Variants in ADAMTS12 observed in about 807,000 individuals in gnomAD.
ADAMTS12 encodes A disintegrin and metalloproteinase with thrombospondin motifs 12.
ADAMTS12 carries 118 observed loss-of-function variants against 167.8 expected under a neutral mutation model. That is an observed-to-expected ratio of 0.70 (90% CI 0.61 to 0.82). The LOEUF is 0.82. Ranked by LOEUF, ADAMTS12 falls within the 40% of genes least tolerant of loss-of-function variation. The pLI, the probability that ADAMTS12 is intolerant of heterozygous loss-of-function variation, is 0.00. For missense variants in ADAMTS12, 1,916 were observed against 1,998.8 expected (o/e 0.96, Z 0.79); for synonymous variants, 704 against 716.9 (o/e 0.98, Z 0.29).
At chr5:33,698,087 A>G (rs1424033592) in intron 3 of ADAMTS12, among the ~76,000 whole-genome samples, 3 of 152,254 alleles carry the variant, frequency 2.0e-5, no homozygotes, top group African/African-American at 7.2e-5. Flanking sequence ...CAACTGAGTA[A>G]GCAGGATGAA....
At position 33,588,808 on chromosome 5, in the gene ADAMTS12, A is replaced by T; in HGVS notation, c.2656T>A (p.Trp886Arg). 1 of 1,612,736 alleles carries T rather than the reference A, an allele frequency of 6.2e-7. No individual in the cohort carries two copies. The highest frequency in any genetic ancestry group is 8.5e-7 in the Non-Finnish European group (1 of 1,179,962). The change falls in exon 18 of 24, where the codon TGG (tryptophan) becomes AGG (arginine). Residue 886 changes from tryptophan to arginine, a missense_variant and splice_region_variant. Coordinates refer to ENST00000504830, the MANE Select transcript of ADAMTS12 (RefSeq NM_030955.4). ...CATGCTTCCCACTCCCCTGCCCACC[A>T]CCTGCAGGCAAACATGGATATGTGA... ...KCHEKACPPR[W>R]WAGEWEACSA...
At chr5:33,542,868 G>A (rs928429635) in intron 22 of ADAMTS12, among the ~76,000 whole-genome samples, 1 of 152,168 alleles carries the variant, frequency 6.6e-6, no homozygotes, top group African/African-American at 2.4e-5. Context: ...AAAGCAGCAT[G>A]TAGAGGGAAA....
chr5:33,782,235 T>A (rs891000084), intron 2 of ADAMTS12, among the ~76,000 whole-genome samples: 1 of 152,004 alleles, frequency 6.6e-6, no homozygotes, highest in African/African-American at 2.4e-5. Context: ...AGGGAGTAAA[T>A]GGAGCGACAT....
chr5:33,618,244 T>C (rs1169990018), intron 14 of ADAMTS12, among the ~76,000 whole-genome samples: 2 of 152,198 alleles, frequency 1.3e-5, no homozygotes, highest in East Asian at 3.8e-4. Context: ...TTCATCCTTG[T>C]TGTCTTCATG....
At chr5:33,719,970 C>T (rs1039948469) in intron 3 of ADAMTS12, among the ~76,000 whole-genome samples, 3 of 152,102 alleles carry the variant, frequency 2.0e-5, no homozygotes, top group Non-Finnish European at 4.4e-5. Flanking sequence ...GCTTTAAATA[C>T]CTAAATGTTA....
chr5:33,607,569 TA>T (rs1738509033), intron 16 of ADAMTS12, among the ~76,000 whole-genome samples: 1 of 152,192 alleles, frequency 6.6e-6, no homozygotes. Context: ...AGTTTAATAG[TA>T]ATAGCATTGA....
intron 9 of ADAMTS12, among the ~76,000 whole-genome samples, chr5:33,644,358 C>T (rs561915620): frequency 6.6e-6 from 1 of 152,296 alleles, no homozygotes; most frequent in Admixed American, 6.5e-5. Flanking sequence ...CTCCATCACA[C>T]ACCCCTAAGA....
At chr5:33,858,303 C>G (rs1749481305) in intron 2 of ADAMTS12, among the ~76,000 whole-genome samples, 1 of 152,158 alleles carries the variant, frequency 6.6e-6, no homozygotes, top group African/African-American at 2.4e-5. Flanking sequence ...CATATCAAAA[C>G]TGTAAGACAC....
At chr5:33,664,766 T>G (rs1186138988) in intron 5 of ADAMTS12, among the ~76,000 whole-genome samples, 3 of 152,090 alleles carry the variant, frequency 2.0e-5, no homozygotes, top group Non-Finnish European at 4.4e-5. Flanking sequence ...AAAAAAGAAC[T>G]ACCATATGAT....
intron 2 of ADAMTS12, 108 bp from the exon 3 acceptor site, chr5:33,751,656 C>G (rs1168340759): frequency 6.7e-6 from 7 of 1,047,918 alleles, no homozygotes; most frequent in Non-Finnish European, 9.7e-6. Context: ...CTCCTAAGAC[C>G]AGTGCTTTCA....
chr5:33,686,412 C>T (rs529409386), intron 3 of ADAMTS12, among the ~76,000 whole-genome samples: 32 of 152,184 alleles, frequency 2.1e-4, no homozygotes, highest in African/African-American at 7.2e-4. Flanking sequence ...GGGTGAGAAG[C>T]GTGTAGAAAA....
At chr5:33,597,045 T>C (rs1330505434) in intron 16 of ADAMTS12, among the ~76,000 whole-genome samples, 1 of 152,196 alleles carries the variant, frequency 6.6e-6, no homozygotes, top group Non-Finnish European at 1.5e-5. Flanking sequence ...TCTATTATGA[T>C]GTATAATAAC....
intron 14 of ADAMTS12, among the ~76,000 whole-genome samples, chr5:33,617,050 GTC>G (rs1256708836): frequency 6.6e-6 from 1 of 152,138 alleles, no homozygotes; most frequent in East Asian, 1.9e-4. Flanking sequence ...TTGCATTCTA[GTC>G]TCTGCGTTTC....
chr5:33,765,089 A>G (rs1324590105), intron 2 of ADAMTS12, among the ~76,000 whole-genome samples: 2 of 152,234 alleles, frequency 1.3e-5, no homozygotes, highest in Non-Finnish European at 2.9e-5. Flanking sequence ...TCTTTTCCCA[A>G]TGTTTTATTT....
intron 1 of ADAMTS12, among the ~76,000 whole-genome samples, chr5:33,885,490 T>A (rs1002700002): frequency 6.6e-5 from 10 of 151,416 alleles, no homozygotes. Flanking sequence ...TAAAAAATAA[T>A]AAAAAAAAAT....
intron 5 of ADAMTS12, among the ~76,000 whole-genome samples, chr5:33,674,912 C>T (rs561487925): frequency 1.2e-4 from 18 of 152,188 alleles, no homozygotes; most frequent in Non-Finnish European, 2.5e-4. Flanking sequence ...GGAGGTAGGA[C>T]CTTTAAGAGG....
chr5:33,788,949 G>A (rs1346452393), intron 2 of ADAMTS12, among the ~76,000 whole-genome samples: 1 of 152,130 alleles, frequency 6.6e-6, no homozygotes, highest in African/African-American at 2.4e-5. Flanking sequence ...CTCAGCAGAG[G>A]TTCTTCCCTT....
chr5:33,536,997 G>A (rs576997803), intron 22 of ADAMTS12, among the ~76,000 whole-genome samples: 3 of 152,332 alleles, frequency 2.0e-5, no homozygotes, highest in Admixed American at 6.5e-5. Flanking sequence ...CTGGGGCAAG[G>A]CCTGCCAGGA....
intron 16 of ADAMTS12, among the ~76,000 whole-genome samples, chr5:33,606,874 C>G (rs1738467169): frequency 6.6e-6 from 1 of 152,140 alleles, no homozygotes; most frequent in Non-Finnish European, 1.5e-5. Flanking sequence ...TATTAGCAAA[C>G]AGAACTCAAC....
Sources: allele counts gnomAD v4.1 joint callset (sites outside exome capture counted in the v4.1 genomes callset), GRCh38; gene constraint gnomAD v4.1.1; transcripts MANE v1.5; gene names NCBI Gene and HGNC (gene_info 2026-07-23, HGNC 2026-07-21).